Variants in MPHOSPH9 observed in about 807,000 individuals in gnomAD.
MPHOSPH9 encodes the protein M-phase phosphoprotein 9.
In MPHOSPH9, 88 loss-of-function variants were observed where a neutral mutation model predicts 145.5. The ratio of observed to expected loss-of-function variants is 0.60; its 90% confidence interval spans 0.51 to 0.72. The LOEUF is 0.72. MPHOSPH9 is among the 30% of genes least tolerant of loss of function. The probability of loss-of-function intolerance (pLI) is 0.00; values close to 1 mark genes in which losing one functional copy is unlikely to be tolerated. For synonymous variants in MPHOSPH9, 435 were observed against 486.2 expected (o/e 0.89, Z 1.39); for missense variants, 1,238 against 1,386.6 (o/e 0.89, Z 1.70).
At chr12:123,174,784 T>C (rs2044754487) in intron 16 of MPHOSPH9, among the ~76,000 whole-genome samples, 1 of 152,192 alleles carries the variant, frequency 6.6e-6, no homozygotes, top group Non-Finnish European at 1.5e-5. Flanking sequence ...AACAAAAATA[T>C]TCAAGATGGA....
chr12:123,195,904 G>A (rs770240772), intron 12 of MPHOSPH9, among the ~76,000 whole-genome samples: 16 of 151,856 alleles, frequency 1.1e-4, no homozygotes, highest in South Asian at 1.0e-3. Context: ...GTGTGGTGGT[G>A]TGTGCCTATA....
intron 20 of MPHOSPH9, 26 bp from the exon 21 acceptor site, chr12:123,162,244 G>T: frequency 1.5e-6 from 2 of 1,315,848 alleles, no homozygotes; most frequent in South Asian, 3.6e-5. Context: ...AGTTACTTGT[G>T]AGAAAAAAAA....
In MPHOSPH9 at chr12:123,226,403, A is replaced by G. The variant is rs1373016721; in HGVS notation, c.258+1060T>C. On this transcript the variant is annotated intron_variant, in intron 3 of 23. Transcript: ENST00000606320. Reference sequence around the variant, plus strand: ...TAAAAGTACAATTAACGTTTAAAACAAGATCTAGTGCTTTCTAAGAATTAA... The same window carrying G: ...TAAAAGTACAATTAACGTTTAAAACGAGATCTAGTGCTTTCTAAGAATTAA... 44 of 758,374 alleles carry G rather than the reference A, an allele frequency of 5.8e-5. 1 individual carries two copies. Among genetic ancestry groups the G allele is most frequent in the Non-Finnish European group, 7.7e-5 (43 of 559,374 alleles). 47.0% of individuals were successfully genotyped at this position (758,374 alleles called of 1,614,324 possible). A position where few individuals can be genotyped will look rare whatever the true frequency, so the allele number is the denominator to read the frequency against.
chr12:123,232,363 CA>C (rs1359696407), intron 1 of MPHOSPH9, among the ~76,000 whole-genome samples: 1 of 151,970 alleles, frequency 6.6e-6, no homozygotes, highest in Admixed American at 6.6e-5. Context: ...TAAACACCCA[CA>C]AATACAATGC....
intron 16 of MPHOSPH9, 91 bp downstream of exon 16, chr12:123,176,597 A>C: frequency 2.1e-6 from 2 of 936,608 alleles, no homozygotes; most frequent in Non-Finnish European, 3.3e-6. Context: ...TTTAACCCGG[A>C]CTTTCTTATG....
rs775641306 is a variant in MPHOSPH9, at chr12:123,210,064, G to A, written c.1186C>T (p.Pro396Ser). ...GTGTGTTTTTAAATTACCTGGTTTG[G>A]TGACACATCTGTGGAAGACAATGAT... ...FISLSSTDVSPNQSNTSNEMK... is the reference protein window; with the variant it reads ...FISLSSTDVSSNQSNTSNEMK... The change falls in exon 8 of 24, where the codon CCA becomes TCA. Residue 396 changes from proline to serine, a missense_variant. Around this residue, in one of 3 missense-constraint regions of MPHOSPH9, gnomAD observed 837 missense variants for 897.5 expected, o/e 0.93. Transcript: ENST00000606320. 1 of 1,607,274 alleles carries A rather than the reference G, an allele frequency of 6.2e-7. No homozygotes were observed. Among genetic ancestry groups the A allele is most frequent in the Non-Finnish European group, 8.5e-7 (1 of 1,176,254 alleles).
At chr12:123,182,420 A>C (rs1289211552) in intron 13 of MPHOSPH9, among the ~76,000 whole-genome samples, 1 of 150,634 alleles carries the variant, frequency 6.6e-6, no homozygotes, top group Non-Finnish European at 1.5e-5. Flanking sequence ...TGCTCAGCTA[A>C]TTTTTGTATT....
At chr12:123,232,988 C>T (rs1343478982) in intron 1 of MPHOSPH9, 87 bp downstream of exon 1, 1 of 152,428 alleles carries the variant, frequency 6.6e-6, no homozygotes, top group Non-Finnish European at 1.5e-5. Context: ...CATCACCACA[C>T]TCAAGGGGCC....
At position 123,209,326 on chromosome 12, in the gene MPHOSPH9, T is replaced by C. The variant is rs2046592040; in HGVS notation, c.1194+730A>G. The stretch of plus-strand genomic sequence containing the variant: ...CAAGTGAGTATGATTCTAAAGCCCA[T>C]GCTTTTTCCAGTATTTTAGAAGTTG... On this transcript the variant is annotated intron_variant, in intron 8 of 23. Transcript: ENST00000606320. 2.0e-5 allele frequency among the ~76,000 whole-genome samples: 3 copies of C among 152,216 alleles called. No individual in the cohort carries two copies. In the South Asian group the frequency reaches 6.2e-4, roughly 32 times the overall value.
At chr12:123,162,753 C>G in intron 20 of MPHOSPH9, 1 of 357,922 alleles carries the variant, frequency 2.8e-6, no homozygotes, top group Non-Finnish European at 4.9e-6. Context: ...AAACAAAGAA[C>G]TATCATTCTA....
At chr12:123,187,780 TGGAGGCAG>T (rs948833147) in intron 13 of MPHOSPH9, among the ~76,000 whole-genome samples, 1 of 152,162 alleles carries the variant, frequency 6.6e-6, no homozygotes, top group Admixed American at 6.6e-5. Flanking sequence ...GGTTAATCAT[TGGAGGCAG>T]GGAGGATCAA....
intron 13 of MPHOSPH9, among the ~76,000 whole-genome samples, chr12:123,190,295 G>A (rs1358770813): frequency 6.6e-6 from 1 of 151,868 alleles, no homozygotes; most frequent in East Asian, 1.9e-4. Flanking sequence ...TGGGACTACA[G>A]GCGCCCACCA....
At chr12:123,235,675 TAGTG>T (rs1354668057), upstream of MPHOSPH9, among the ~76,000 whole-genome samples, 1 of 150,600 alleles carries the variant, frequency 6.6e-6, no homozygotes, top group African/African-American at 2.4e-5. Context: ...CTCGGCCTGG[TAGTG>T]AGTTATCTTA....
chr12:123,204,251 G>A (rs1040846051), intron 8 of MPHOSPH9, among the ~76,000 whole-genome samples: 1 of 151,114 alleles, frequency 6.6e-6, no homozygotes, highest in Non-Finnish European at 1.5e-5. Flanking sequence ...GTGGTGAGCC[G>A]AGATTGCGCC....
rs779304295 is a variant in MPHOSPH9 at position 123,164,051 on chromosome 12, C to T, written c.2807G>A (p.Arg936His). ...CTGTTGGGCACACTTTTCTGGAGAA[C>T]GACTTGCATTAACTGAAGTTTCAGT... is the stretch of plus-strand genomic sequence containing the variant. ...RQTETSVNAS[R>H]SPEKCAQQRQ... is the part of the protein sequence containing the mutation. Residue 936 changes from arginine to histidine, a missense_variant, in exon 19 of 24, where the codon CGT becomes CAT. This residue lies in a region of MPHOSPH9 where 393 missense variants were observed against 462.5 expected (regional missense o/e 0.85). Transcript: ENST00000606320. 29 of 1,613,972 alleles carry T rather than the reference C, an allele frequency of 1.8e-5. No homozygotes were observed. The highest frequency in any genetic ancestry group is 5.5e-5 in the South Asian group (5 of 91,082).
rs986548004 is a variant in MPHOSPH9 at position 123,189,750 on chromosome 12, C to T, written c.2241+4636G>A. 4.6e-5 allele frequency among the ~76,000 whole-genome samples: 7 copies of T among 151,900 alleles called. No homozygotes were observed. The South Asian group carries it at 8.3e-4, about 18-fold the overall frequency. Reference sequence around the variant, plus strand: ...GAGATCGAGACCATCCTGGCTAACACGGTGAAACCCCGTCTCTACTAAAAA... The same window carrying T: ...GAGATCGAGACCATCCTGGCTAACATGGTGAAACCCCGTCTCTACTAAAAA... On this transcript the variant is annotated intron_variant, in intron 13 of 23. Transcript: ENST00000606320.
intron 8 of MPHOSPH9, among the ~76,000 whole-genome samples, chr12:123,208,956 G>A (rs1010264009): frequency 5.3e-5 from 8 of 151,842 alleles, no homozygotes; most frequent in South Asian, 4.2e-4. Context: ...TTGCTGAGGC[G>A]GAGTCTCGCT....
intron 7 of MPHOSPH9, among the ~76,000 whole-genome samples, chr12:123,212,064 T>C (rs1010726324): frequency 6.6e-6 from 1 of 152,114 alleles, no homozygotes; most frequent in Admixed American, 6.6e-5. Context: ...ATTGAGTACC[T>C]ATAGTGCCAG....
chr12:123,243,577 T>C (rs544214697), intron 1 of MPHOSPH9, among the ~76,000 whole-genome samples: 189 of 150,298 alleles, frequency 1.3e-3, no homozygotes, highest in African/African-American at 4.1e-3. Context: ...TGGTGGCACG[T>C]GCCTGTAGTC....
Sources: gnomAD v4.1 joint callset for allele counts (sites outside exome capture counted in the v4.1 genomes callset) on GRCh38, gnomAD v4.1.1 for gene constraint, gnomAD v4.1.1 regional missense constraint, MANE v1.5 for transcripts, NCBI Gene and HGNC (gene_info 2026-07-23, HGNC 2026-07-21) for gene names.